Variants in FAAH2 observed in about 807,000 individuals in gnomAD.
FAAH2 encodes fatty acid amide hydrolase 2.
FAAH2 carries 60 observed loss-of-function variants against 36.9 expected under a neutral mutation model. The ratio of observed to expected loss-of-function variants is 1.63; its 90% CI spans 1.32 to 2.02. The LOEUF (loss-of-function observed/expected upper bound fraction) is 2.02. Among genes scored for constraint, FAAH2 ranks in the 30% most tolerant of loss-of-function variants. The pLI is 0.00. For missense variants in FAAH2, 689 were observed against 397.5 expected (o/e 1.73, Z -6.23); for synonymous variants, 214 against 143.8 (o/e 1.49, Z -3.49).
At chrX:57,199,602 C>T in the FAAH2 span, among the ~76,000 whole-genome samples, 65 of 111,574 alleles carry the variant, frequency 5.8e-4, no homozygotes, top group Non-Finnish European at 1.1e-3. Context: ...TCTATTTGGT[C>T]TATACTGTGG....
chrX:57,270,140 A>G, the FAAH2 span, among the ~76,000 whole-genome samples: 1 of 111,628 alleles, frequency 9.0e-6, no homozygotes, highest in African/African-American at 3.3e-5. Flanking sequence ...ATTCCTGGAC[A>G]AATACACCCT....
In FAAH2 at chrX:57,354,832, A is replaced by G. The variant is rs189061182; in HGVS notation, c.742+13442A>G. Among the ~76,000 whole-genome samples, 329 of 110,726 alleles carry G rather than the reference A, an allele frequency of 3.0e-3. 3 individuals carry two copies. The highest frequency in any genetic ancestry group is 0.01 in the African/African-American group (319 of 30,702). On this transcript the variant is annotated intron_variant, in intron 5 of 10. Coordinates refer to ENST00000374900, the MANE Select transcript of FAAH2 (RefSeq NM_174912.4). ...GTATTTTCCAAATTTTCCATAATAT[A>G]TGTATGCTTTTTTAAAAAATTAGAT...
At chrX:57,284,968 A>G (rs767668022), upstream of FAAH2, among the ~76,000 whole-genome samples, 77 of 112,418 alleles carry the variant, frequency 6.8e-4, no homozygotes, top group African/African-American at 2.5e-3. Context: ...CCTCAGGCTC[A>G]CATATTTGTC....
chrX:57,239,579 C>A, the FAAH2 span, among the ~76,000 whole-genome samples: 1 of 110,283 alleles, frequency 9.1e-6, no homozygotes, highest in African/African-American at 3.3e-5. Flanking sequence ...TGAATGTGAA[C>A]TTTTCTAGTA....
At chrX:57,259,510 T>C in the FAAH2 span, among the ~76,000 whole-genome samples, 1 of 112,169 alleles carries the variant, frequency 8.9e-6, no homozygotes, top group African/African-American at 3.2e-5. Flanking sequence ...CTTTATGCTC[T>C]GAGAATTAAT....
chrX:57,185,488 CTGTG>C, the FAAH2 span, among the ~76,000 whole-genome samples: 4,812 of 93,843 alleles, frequency 0.051, 218 homozygotes, highest in African/African-American at 0.14. Flanking sequence ...CTCTCTGTCT[CTGTG>C]TGTGTGTGTG....
chrX:57,357,939 T>C (rs1440174357), intron 5 of FAAH2, among the ~76,000 whole-genome samples: 1 of 111,309 alleles, frequency 9.0e-6, no homozygotes, highest in Non-Finnish European at 1.9e-5. Flanking sequence ...CCAGCCCAAA[T>C]GCCCATCAAT....
At chrX:57,311,941 G>T (rs1449293217) in intron 3 of FAAH2, among the ~76,000 whole-genome samples, 1 of 112,151 alleles carries the variant, frequency 8.9e-6, no homozygotes, top group Non-Finnish European at 1.9e-5. Context: ...CTGGGGAGGA[G>T]CTCCCAACCC....
intron 10 of FAAH2, among the ~76,000 whole-genome samples, chrX:57,478,301 C>G (rs1274876919): frequency 9.0e-6 from 1 of 111,357 alleles, no homozygotes; most frequent in Non-Finnish European, 1.9e-5. Context: ...TGAGAAGTGT[C>G]TGTTCATGTC....
At chrX:57,163,535 T>G in the FAAH2 span, among the ~76,000 whole-genome samples, 3 of 111,918 alleles carry the variant, frequency 2.7e-5, no homozygotes, top group Non-Finnish European at 5.6e-5. Flanking sequence ...TAGGACCCTC[T>G]GAGCCAGGTG....
chrX:57,359,319 G>T (rs1339970986), intron 5 of FAAH2, among the ~76,000 whole-genome samples: 1 of 110,890 alleles, frequency 9.0e-6, no homozygotes, highest in Non-Finnish European at 1.9e-5. Flanking sequence ...CATATGTTTA[G>T]GTATGTTGTA....
intron 2 of FAAH2, 119 bp from the exon 3 acceptor site, chrX:57,310,474 C>A: frequency 1.2e-6 from 1 of 809,491 alleles, no homozygotes; most frequent in African/African-American, 2.1e-5. Flanking sequence ...AGGCTCTTGA[C>A]AAGTACATTA....
chrX:57,185,812 G>C, the FAAH2 span, among the ~76,000 whole-genome samples: 1 of 109,800 alleles, frequency 9.1e-6, no homozygotes, highest in African/African-American at 3.3e-5. Flanking sequence ...TGCAGCATTT[G>C]GTGTCTGTTT....
the FAAH2 span, among the ~76,000 whole-genome samples, chrX:57,201,150 CG>C: frequency 9.2e-6 from 1 of 109,070 alleles, no homozygotes; most frequent in African/African-American, 3.4e-5. Context: ...GGGCTGGGCA[CG>C]GTGGCTCATG....
At chrX:57,449,463 G>A (rs1355066170) in intron 10 of FAAH2, among the ~76,000 whole-genome samples, 2 of 111,889 alleles carry the variant, frequency 1.8e-5, no homozygotes, top group Non-Finnish European at 3.8e-5. Flanking sequence ...TTCCTATCTA[G>A]GAAGTCAGGG....
chrX:57,441,410 T>C (rs2147151007), intron 8 of FAAH2, among the ~76,000 whole-genome samples: 1 of 111,750 alleles, frequency 8.9e-6, no homozygotes, highest in South Asian at 3.8e-4. Context: ...TACTATTCTC[T>C]GATGGTAGTT....
the FAAH2 span, among the ~76,000 whole-genome samples, chrX:57,252,456 C>T: frequency 3.6e-5 from 4 of 112,306 alleles, no homozygotes; most frequent in Admixed American, 2.8e-4. Flanking sequence ...CCCTGACACC[C>T]GTGTAGCCTG....
intron 5 of FAAH2, among the ~76,000 whole-genome samples, chrX:57,368,068 AAACTATT>A (rs1569295782): frequency 9.0e-6 from 1 of 111,037 alleles, no homozygotes; most frequent in Non-Finnish European, 1.9e-5. Context: ...TTACTCAGCC[AAACTATT>A]ATGGGTCACT....
chrX:57,372,887 C>A (rs2054586873), intron 5 of FAAH2, among the ~76,000 whole-genome samples: 1 of 109,788 alleles, frequency 9.1e-6, no homozygotes, highest in African/African-American at 3.3e-5. Flanking sequence ...CTCACCCTTT[C>A]CCTCGAGTCC....
Sources: gnomAD v4.1 joint callset for allele counts (sites outside exome capture counted in the v4.1 genomes callset) on GRCh38, gnomAD v4.1.1 for gene constraint, MANE v1.5 for transcripts, NCBI Gene and HGNC (gene_info 2026-07-23, HGNC 2026-07-21) for gene names.